IL3RA: variants seen among roughly 807,000 people sequenced by gnomAD.
IL3RA encodes interleukin-3 receptor subunit alpha.
In IL3RA, 73 loss-of-function variants were observed where a neutral mutation model predicts 52.3. The ratio of observed to expected loss-of-function variants is 1.40; its 90% CI spans 1.16 to 1.70. IL3RA has a LOEUF of 1.70. Ranked by LOEUF, IL3RA falls within the 40% of genes most tolerant of loss-of-function variation. IL3RA has a pLI of 0.00. For missense variants in IL3RA, 664 were observed against 504.4 expected (o/e 1.32, Z -3.03); for synonymous variants, 260 against 194.0 (o/e 1.34, Z -2.83).
rs773762786 is a variant in IL3RA at position 1,352,877 on chromosome X, T to C, written c.616+371T>C. ...CCATCATGGGTCCCATCATGGGTCATAGAATCCCCCATGATGGGTTTCATC... is the reference window on the plus strand; with the variant it reads ...CCATCATGGGTCCCATCATGGGTCACAGAATCCCCCATGATGGGTTTCATC... On this transcript the variant is annotated intron_variant, in intron 6 of 11. Coordinates refer to ENST00000331035, the MANE Select transcript of IL3RA (RefSeq NM_002183.4). 1.5e-4 allele frequency among the ~76,000 whole-genome samples: 22 copies of C among 145,180 alleles called. 1 individual carries two copies. In the South Asian group the frequency reaches 3.6e-3, roughly 24 times the overall value.
chrX:1,350,696 T>C (rs1250975151), intron 4 of IL3RA, among the ~76,000 whole-genome samples: 4 of 145,902 alleles, frequency 2.7e-5, no homozygotes, highest in Non-Finnish European at 6.0e-5. Flanking sequence ...GGTCAGGAGA[T>C]CGAGACCATC....
At position 1,382,462 on chromosome X, in the gene IL3RA, T is replaced by C. The variant is rs1343483364; in HGVS notation, c.1134T>C (p.Thr378=). ...CTGAAGTACAGGTCGTGCAGAAAAC[T>C]TGAGACTGGGGTTCAGGGCTTGTGG... ...LVTEVQVVQK[T] The change falls in exon 12 of 12, where the codon ACT becomes ACC. Residue 378 remains threonine (T), a synonymous_variant. Coordinates refer to ENST00000331035, the MANE Select transcript of IL3RA (RefSeq NM_002183.4). 1.2e-6 allele frequency: 2 copies of C among 1,613,772 alleles called. No individual in the cohort carries two copies. The highest frequency in any genetic ancestry group is 2.2e-5 in the South Asian group (2 of 91,080).
chrX:1,363,664 A>G (rs746816657), intron 8 of IL3RA, among the ~76,000 whole-genome samples: 2 of 152,092 alleles, frequency 1.3e-5, no homozygotes, highest in South Asian at 2.1e-4. Flanking sequence ...GGGGATCACA[A>G]TGCAGACTCA....
intron 8 of IL3RA, among the ~76,000 whole-genome samples, chrX:1,363,299 CTTCT>C (rs1361795935): frequency 2.1e-5 from 3 of 142,060 alleles, no homozygotes; most frequent in Admixed American, 2.1e-4. Flanking sequence ...ATGGTCTTTT[CTTCT>C]TTTTTTTTTT....
intron 8 of IL3RA, among the ~76,000 whole-genome samples, chrX:1,364,527 G>A (rs2087756190): frequency 6.6e-6 from 1 of 152,116 alleles, no homozygotes; most frequent in African/African-American, 2.4e-5. Flanking sequence ...CTAGAGATGG[G>A]GTCTTGGTTT....
At position 1,378,046 on chromosome X, in the gene IL3RA, C is replaced by T. The variant is rs111361109; in HGVS notation, c.875-613C>T. On this transcript the variant is annotated intron_variant, in intron 9 of 11. Transcript: ENST00000331035. The stretch of plus-strand genomic sequence containing the variant: ...ATGAGAAATACAAAAATTACCCGGG[C>T]GTGGTGGCGGGCGCCTGTAGTCCCA... Among the ~76,000 whole-genome samples, 10 of 150,702 alleles carry T rather than the reference C, an allele frequency of 6.6e-5. No individual in the cohort carries two copies. The South Asian group carries it at 1.1e-3, about 16-fold the overall frequency.
chrX:1,379,733 TGGTCACCAGCTG>T (rs1160682446), intron 10 of IL3RA, among the ~76,000 whole-genome samples: 1 of 152,232 alleles, frequency 6.6e-6, no homozygotes, highest in African/African-American at 2.4e-5. Context: ...TCGAGGTTTT[TGGTCACCAGCTG>T]GGTCACCCCA....
chrX:1,381,102 C>G lies in IL3RA; in HGVS notation c.1060C>G (p.Leu354Val). The G allele has an allele frequency of 6.2e-7, 1 of 1,613,808 alleles. No homozygotes were observed. The highest frequency in any genetic ancestry group is 8.5e-7 in the Non-Finnish European group (1 of 1,179,760). Residue 354 changes from leucine to valine, a missense_variant and splice_region_variant, in exon 11 of 12, where the codon CTG (leucine) becomes GTG (valine). Leu to Val is a conservative substitution (Grantham distance 32). Transcript: ENST00000331035. ...PIGDSFQNDK[L>V]VVWEAGKAGL... ...CGGTGACAGCTTCCAAAACGACAAG[C>G]TGGTATGTTGTTTTTTCTGCCTTGG...
chrX:1,348,522 C>G lies in IL3RA; in HGVS notation c.275C>G (p.Thr92Arg), dbSNP rs148019443. 1 of 1,613,462 alleles carries G rather than the reference C, an allele frequency of 6.2e-7. No homozygotes were observed. Among genetic ancestry groups the G allele is most frequent in the Non-Finnish European group, 8.5e-7 (1 of 1,179,456 alleles). ...TVRVANPPFS[T>R]WILFPENSGK... ...CGAGTGGCCAACCCACCATTCTCCA[C>G]GTGGATCCTCTTCCCTGAGAACAGT... The change falls in exon 4 of 12, where the codon ACG (threonine) becomes AGG (arginine). Residue 92 changes from threonine to arginine, a missense_variant. Coordinates refer to ENST00000331035, the MANE Select transcript of IL3RA (RefSeq NM_002183.4).
Position 1,358,868 on chromosome X carries a change from A to G in IL3RA, c.740A>G (p.Gln247Arg). 1.9e-6 allele frequency: 3 copies of G among 1,613,440 alleles called. No individual in the cohort carries two copies. The highest frequency in any genetic ancestry group is 1.3e-5 in the African/African-American group (1 of 74,996). The change falls in exon 8 of 12, where the codon CAG becomes CGG. Residue 247 changes from glutamine (Q) to arginine (R), a missense_variant. Transcript: ENST00000331035. Reference protein sequence around the residue: ...RYELQIQKRMQPVITEQVRDR... With the variant: ...RYELQIQKRMRPVITEQVRDR... ...CTTGCTTTTGTGTTGCAGAGAATGC[A>G]GCCTGTAATCACAGAACAGGTGAGT...
intron 8 of IL3RA, among the ~76,000 whole-genome samples, chrX:1,361,440 A>C (rs35253787): frequency 6.6e-6 from 1 of 152,062 alleles, no homozygotes. Context: ...CATGTCTTAC[A>C]TGTCAGCGGG....
rs1312790818 is a variant in IL3RA, at chrX:1,342,903, C to T, written c.64+1074C>T. Among the ~76,000 whole-genome samples, 26 of 151,502 alleles carry T rather than the reference C, an allele frequency of 1.7e-4. 1 individual carries two copies. The highest frequency in any genetic ancestry group is 3.1e-4 in the Non-Finnish European group (21 of 67,908). On this transcript the variant is annotated intron_variant, in intron 2 of 11. Coordinates refer to ENST00000331035, the MANE Select transcript of IL3RA (RefSeq NM_002183.4). ...CAGCCTGACTAACACGGTGAAACCC[C>T]GTCTCTACTAAAAATACAAAAATCA...
chrX:1,350,603 AT>A (rs1411808669), intron 4 of IL3RA, among the ~76,000 whole-genome samples: 1 of 125,612 alleles, frequency 8.0e-6, no homozygotes, highest in African/African-American at 3.1e-5. Flanking sequence ...AAAAAAAAAA[AT>A]TAAAAAGAAA....
At chrX:1,377,309 T>C (rs754742426) in intron 9 of IL3RA, among the ~76,000 whole-genome samples, 17 of 151,700 alleles carry the variant, frequency 1.1e-4, no homozygotes, top group Admixed American at 6.6e-5. Flanking sequence ...GGCGTGATCT[T>C]GGCTCACTGC....
chrX:1,347,139 C>G (rs192557977), intron 3 of IL3RA, among the ~76,000 whole-genome samples: 1 of 151,500 alleles, frequency 6.6e-6, no homozygotes, highest in Non-Finnish European at 1.5e-5. Context: ...ACCCAATGTG[C>G]GGATTGCTAT....
intron 4 of IL3RA, among the ~76,000 whole-genome samples, chrX:1,349,596 G>C (rs1465834056): frequency 6.6e-6 from 1 of 152,094 alleles, no homozygotes; most frequent in African/African-American, 2.4e-5. Flanking sequence ...GTAAGCATCA[G>C]CCACCACGCC....
At chrX:1,359,048 A>G (rs2086960213) in intron 8 of IL3RA, among the ~76,000 whole-genome samples, 161 bp downstream of exon 8, 1 of 152,082 alleles carries the variant, frequency 6.6e-6, no homozygotes, top group South Asian at 2.1e-4. Flanking sequence ...AGTGACTTTC[A>G]TTGGACAGAC....
At chrX:1,367,867 C>A (rs1416009086) in intron 9 of IL3RA, among the ~76,000 whole-genome samples, 6 of 151,348 alleles carry the variant, frequency 4.0e-5, no homozygotes, top group Admixed American at 2.6e-4. Context: ...TCCTCTCCTG[C>A]AAAGGAGAGG....
chrX:1,364,913 A>AT (rs1427544401), intron 8 of IL3RA, among the ~76,000 whole-genome samples: 1 of 151,864 alleles, frequency 6.6e-6, no homozygotes, highest in African/African-American at 2.4e-5. Flanking sequence ...GGTTTAAGCT[A>AT]TTCTCCTGCC....
Sources: gnomAD v4.1 joint callset for allele counts (sites outside exome capture counted in the v4.1 genomes callset) on GRCh38, gnomAD v4.1.1 for gene constraint, MANE v1.5 for transcripts, NCBI Gene and HGNC (gene_info 2026-07-23, HGNC 2026-07-21) for gene names.